Variants in CSMD1 observed in about 807,000 individuals in gnomAD.
CSMD1 encodes the protein CUB and sushi domain-containing protein 1.
In CSMD1, 213 loss-of-function variants were observed where a neutral mutation model predicts 417.5. That is an observed-to-expected ratio of 0.51 (90% confidence interval 0.46 to 0.57). The LOEUF (loss-of-function observed/expected upper bound fraction) is 0.57, where lower values mean the gene tolerates loss of function less well. Ranked by LOEUF, CSMD1 falls within the 20% of genes least tolerant of loss-of-function variation. CSMD1 has a pLI of 0.00. For synonymous variants in CSMD1, 2,862 were observed against 1,736.8 expected, an observed-to-expected ratio of 1.65 and a Z score of -16.11; for missense variants, 6,923 against 4,529.7, an observed-to-expected ratio of 1.53 and a Z score of -15.17.
At chr8:4,441,652 A>G (rs1437157015) in intron 2 of CSMD1, among the ~76,000 whole-genome samples, 3 of 152,198 alleles carry the variant, frequency 2.0e-5, no homozygotes, top group African/African-American at 7.2e-5. Context: ...TTCACAGAAA[A>G]GTCACATTTT....
intron 6 of CSMD1, among the ~76,000 whole-genome samples, chr8:3,730,039 T>G (rs1295616571): frequency 1.3e-5 from 2 of 150,200 alleles, no homozygotes; most frequent in African/African-American, 5.0e-5. Context: ...GCGCTGCAAG[T>G]GTTTCCACAG....
chr8:4,152,649 C>T (rs998562560), intron 3 of CSMD1, among the ~76,000 whole-genome samples: 11 of 151,600 alleles, frequency 7.3e-5, no homozygotes, highest in African/African-American at 2.2e-4. Context: ...ACGATTGTGC[C>T]AGCGCACCGC....
intron 52 of CSMD1, among the ~76,000 whole-genome samples, chr8:3,003,695 G>C (rs1173701048): frequency 6.6e-6 from 1 of 152,188 alleles, no homozygotes; most frequent in African/African-American, 2.4e-5. Context: ...GTCACGTGCA[G>C]AGTCCTGAGG....
At chr8:3,213,184 G>C (rs765975948) in intron 30 of CSMD1, among the ~76,000 whole-genome samples, 3 of 152,096 alleles carry the variant, frequency 2.0e-5, no homozygotes, top group Non-Finnish European at 4.4e-5. Flanking sequence ...AGCATTGTTA[G>C]GCTGTCTTAA....
rs570824263 is a variant in CSMD1 at position 3,328,356 on chromosome 8, T to C, written c.3631+14938A>G. Among the ~76,000 whole-genome samples the C allele has an allele frequency of 2.0e-5, 3 of 152,312 alleles. No homozygotes were observed. The East Asian group carries it at 5.8e-4, about 29-fold the overall frequency. On this transcript the variant is annotated intron_variant, in intron 23 of 69. Coordinates refer to ENST00000635120, the MANE Select transcript of CSMD1 (RefSeq NM_033225.6). ...AAGGCACCTCTGCTTCCTCTCTCAA[T>C]ATCATCTGACCCTAAGTGACTTTTA...
At chr8:4,225,945 A>G (rs921206076) in intron 3 of CSMD1, among the ~76,000 whole-genome samples, 1 of 152,142 alleles carries the variant, frequency 6.6e-6, no homozygotes, top group African/African-American at 2.4e-5. Flanking sequence ...ATTTATTTGA[A>G]TGTGAATTTC....
At chr8:3,593,092 G>C (rs754195413) in intron 8 of CSMD1, among the ~76,000 whole-genome samples, 4 of 152,216 alleles carry the variant, frequency 2.6e-5, no homozygotes, top group East Asian at 3.9e-4. Flanking sequence ...GCTGAGTCCT[G>C]CTTAAAGCGG....
chr8:4,962,137 T>G (rs1809533606), intron 1 of CSMD1, among the ~76,000 whole-genome samples: 1 of 151,672 alleles, frequency 6.6e-6, no homozygotes, highest in Non-Finnish European at 1.5e-5. Flanking sequence ...ATTGGAGGCT[T>G]TTACAACTAT....
intron 6 of CSMD1, among the ~76,000 whole-genome samples, chr8:3,732,375 G>T (rs1026850): frequency 0.84 from 128,169 of 152,198 alleles, 54,426 homozygotes; most frequent in East Asian, 1. Flanking sequence ...AAATTTTATT[G>T]TCAAGGACTT....
At chr8:3,865,582 C>T (rs977599680) in intron 5 of CSMD1, among the ~76,000 whole-genome samples, 5 of 152,124 alleles carry the variant, frequency 3.3e-5, no homozygotes, top group Non-Finnish European at 7.3e-5. Context: ...CAGGAGAATT[C>T]AGGTGCCTCT....
At chr8:3,853,883 A>AT (rs1480701676) in intron 5 of CSMD1, among the ~76,000 whole-genome samples, 1 of 147,130 alleles carries the variant, frequency 6.8e-6, no homozygotes, top group African/African-American at 2.5e-5. Context: ...TTAATATATT[A>AT]ATATATTATA....
At chr8:3,409,846 C>A (rs1169932626) in intron 12 of CSMD1, among the ~76,000 whole-genome samples, 1 of 152,180 alleles carries the variant, frequency 6.6e-6, no homozygotes, top group South Asian at 2.1e-4. Context: ...CACGTGGCTA[C>A]ACAGATACGC....
intron 21 of CSMD1, among the ~76,000 whole-genome samples, chr8:3,352,362 G>T (rs1563301453): frequency 6.6e-6 from 1 of 152,204 alleles, no homozygotes; most frequent in South Asian, 2.1e-4. Flanking sequence ...AGGTATAGAT[G>T]TTGTGAAGAT....
chr8:4,575,378 G>A (rs1430633686), intron 2 of CSMD1, among the ~76,000 whole-genome samples: 1 of 152,202 alleles, frequency 6.6e-6, no homozygotes, highest in African/African-American at 2.4e-5. Context: ...TGAAAAGGAA[G>A]CTGGATTTTA....
At chr8:3,771,565 C>T (rs1222859438) in intron 5 of CSMD1, among the ~76,000 whole-genome samples, 1 of 152,084 alleles carries the variant, frequency 6.6e-6, no homozygotes, top group Non-Finnish European at 1.5e-5. Context: ...GAAACACAGC[C>T]CTAGAGACCT....
intron 12 of CSMD1, among the ~76,000 whole-genome samples, chr8:3,450,678 T>G (rs1334704211): frequency 1.3e-5 from 2 of 152,022 alleles, no homozygotes; most frequent in African/African-American, 4.8e-5. Flanking sequence ...TATTCCATGG[T>G]GTATATGTGC....
chr8:3,114,448 AAT>A (rs970216467), intron 42 of CSMD1, among the ~76,000 whole-genome samples: 40 of 149,478 alleles, frequency 2.7e-4, no homozygotes, highest in Middle Eastern at 3.6e-3. Flanking sequence ...AATATGTTAT[AAT>A]ATATATATTA....
intron 26 of CSMD1, among the ~76,000 whole-genome samples, chr8:3,240,316 A>G (rs187944832): frequency 1.2e-4 from 19 of 152,128 alleles, no homozygotes; most frequent in African/African-American, 4.3e-4. Flanking sequence ...AGGACTTAGG[A>G]TCTATGGGGT....
At chr8:3,157,182 T>A (rs1411771476) in intron 39 of CSMD1, among the ~76,000 whole-genome samples, 6 of 151,898 alleles carry the variant, frequency 4.0e-5, no homozygotes, top group Non-Finnish European at 8.8e-5. Context: ...AGGTAAAGGT[T>A]TCTGAGTTGG....
Sources: allele counts gnomAD v4.1 joint callset (sites outside exome capture counted in the v4.1 genomes callset), GRCh38; gene constraint gnomAD v4.1.1; transcripts MANE v1.5; gene names NCBI Gene and HGNC (gene_info 2026-07-23, HGNC 2026-07-21).